The following FRYL variants were observed in gnomAD, a reference collection of about 807,000 sequenced individuals.
The protein encoded by FRYL is FRY like transcription coactivator.
Under a neutral mutation model 351.2 loss-of-function variants are expected in FRYL, and 150 were observed. The ratio of observed to expected loss-of-function variants is 0.43; its 90% confidence interval spans 0.37 to 0.49. The LOEUF (loss-of-function observed/expected upper bound fraction) is 0.49. Ranked by LOEUF, FRYL falls within the 20% of genes least tolerant of loss-of-function variation. FRYL has a pLI of 0.00. For missense variants in FRYL, 3,036 were observed against 3,619.3 expected, an observed-to-expected ratio of 0.84 and a Z score of 4.13; for synonymous variants, 1,153 against 1,257.1, an observed-to-expected ratio of 0.92 and a Z score of 1.75.
rs1718758029 is a variant in FRYL, at chr4:48,497,883, G to C, written c.*1539C>G. 6.6e-6 allele frequency: 1 copy of C among 152,554 alleles called. No individual in the cohort carries two copies. Among genetic ancestry groups the C allele is most frequent in the Non-Finnish European group, 1.5e-5 (1 of 68,030 alleles). 9.5% of individuals were successfully genotyped at this position (152,554 alleles called of 1,614,324 possible). A position where few individuals can be genotyped will look rare whatever the true frequency, so the allele number is the denominator to read the frequency against. ...CACAGTGCCTTCAATTAATGCACTT[G>C]AGCATACGTAATTACATTTCTGGCA... On this transcript the variant is annotated 3_prime_UTR_variant, in exon 64 of 64. Transcript: ENST00000358350.
chr4:48,704,864 G>A (rs1371197682), intron 2 of FRYL, among the ~76,000 whole-genome samples: 25 of 151,366 alleles, frequency 1.7e-4, no homozygotes, highest in Admixed American at 1.3e-3. Context: ...CAGGAGAATC[G>A]CTTGAACCCA....
chr4:48,633,196 G>C (rs1021768870), intron 4 of FRYL, among the ~76,000 whole-genome samples: 1 of 152,064 alleles, frequency 6.6e-6, no homozygotes, highest in Non-Finnish European at 1.5e-5. Context: ...TATTTAAGTT[G>C]GCAGAGAGTC....
chr4:48,661,644 C>T (rs1221207673), intron 3 of FRYL, among the ~76,000 whole-genome samples: 1 of 152,206 alleles, frequency 6.6e-6, no homozygotes, highest in East Asian at 1.9e-4. Flanking sequence ...AAACAAACAA[C>T]ACTCTTTAAA....
intron 2 of FRYL, among the ~76,000 whole-genome samples, chr4:48,708,530 T>C (rs912813169): frequency 2.6e-5 from 4 of 152,262 alleles, no homozygotes; most frequent in East Asian, 1.9e-4. Flanking sequence ...TAAGAACCTG[T>C]CCCAAACACA....
At chr4:48,736,624 C>A (rs548970545) in intron 1 of FRYL, among the ~76,000 whole-genome samples, 1 of 151,666 alleles carries the variant, frequency 6.6e-6, no homozygotes, top group South Asian at 2.1e-4. Context: ...TCCAGGCAGG[C>A]GGATCACCTG....
intron 3 of FRYL, among the ~76,000 whole-genome samples, chr4:48,634,967 G>C (rs1428047037): frequency 1.3e-5 from 2 of 152,166 alleles, no homozygotes; most frequent in African/African-American, 4.8e-5. Flanking sequence ...CACTGAAGAA[G>C]CTACACTTAA....
At chr4:48,773,101 A>C (rs574062208) in intron 1 of FRYL, among the ~76,000 whole-genome samples, 5 of 152,360 alleles carry the variant, frequency 3.3e-5, no homozygotes, top group Non-Finnish European at 7.3e-5. Flanking sequence ...ATCAACAGAG[A>C]CAACTACAAA....
rs1328419942 is a variant in FRYL at position 48,606,588 on chromosome 4, C to A, written c.591G>T (p.Lys197Asn). The change falls in exon 10 of 64, where the codon AAG becomes AAT. Residue 197 changes from lysine to asparagine, a missense_variant. By Grantham distance (94) the Lys-to-Asn change is moderately conservative. Around this residue, in one of 7 missense-constraint regions of FRYL, gnomAD observed 457 missense variants for 566.6 expected, o/e 0.81. Coordinates refer to ENST00000358350, the MANE Select transcript of FRYL (RefSeq NM_015030.2). Reference sequence around the variant, plus strand: ...GTTCTTTTAATTCTGTCACAAACTTCTTCCTTACAGCCTGAAACCTTTAAT... The same window carrying A: ...GTTCTTTTAATTCTGTCACAAACTTATTCCTTACAGCCTGAAACCTTTAAT... ...LAQSKFQAVR[K>N]KFVTELKELR... 6.2e-7 allele frequency: 1 copy of A among 1,610,074 alleles called. No homozygotes were observed. The highest frequency in any genetic ancestry group is 8.5e-7 in the Non-Finnish European group (1 of 1,177,382).
chr4:48,531,465 T>G, intron 49 of FRYL, 112 bp from the exon 50 acceptor site: 1 of 699,698 alleles, frequency 1.4e-6, no homozygotes, highest in Admixed American at 3.0e-5. Context: ...TTGTAAAAAT[T>G]ATTCATTTTG....
intron 3 of FRYL, among the ~76,000 whole-genome samples, chr4:48,635,419 T>C (rs1347045860): frequency 6.6e-6 from 1 of 152,172 alleles, no homozygotes; most frequent in Non-Finnish European, 1.5e-5. Flanking sequence ...TTGAGACTTG[T>C]CATATATTAG....
At chr4:48,722,552 C>A (rs1769601065) in intron 1 of FRYL, among the ~76,000 whole-genome samples, 1 of 152,126 alleles carries the variant, frequency 6.6e-6, no homozygotes. Flanking sequence ...CTGAATAAAT[C>A]CTCACTTGTA....
At chr4:48,625,983 T>C (rs780059472) in intron 4 of FRYL, among the ~76,000 whole-genome samples, 4 of 152,160 alleles carry the variant, frequency 2.6e-5, no homozygotes, top group Non-Finnish European at 5.9e-5. Flanking sequence ...ATTTTCATTT[T>C]CTGAGTTTTC....
At position 48,510,952 on chromosome 4, in the gene FRYL, A is replaced by G; in HGVS notation, c.8178T>C (p.Asn2726=). 6.2e-7 allele frequency: 1 copy of G among 1,612,432 alleles called. No homozygotes were observed. The highest frequency in any genetic ancestry group is 8.5e-7 in the Non-Finnish European group (1 of 1,179,138). ...TIQRKFGEIT[N]EAVSFLGDSL... is the part of the protein sequence containing the mutation. The stretch of plus-strand genomic sequence containing the variant: ...TATCACCAAGAAAGCTGACTGCCTC[A>G]TTAGTTATTTCTCCAAACTTTCTTT... The change falls in exon 58 of 64, where the codon AAT becomes AAC. Residue 2726 remains asparagine (N), a synonymous_variant. Coordinates refer to ENST00000358350, the MANE Select transcript of FRYL (RefSeq NM_015030.2).
chr4:48,776,423 A>G (rs1776037763), intron 1 of FRYL, among the ~76,000 whole-genome samples: 1 of 152,232 alleles, frequency 6.6e-6, no homozygotes, highest in Non-Finnish European at 1.5e-5. Flanking sequence ...CTAAATTTAA[A>G]CTTCTTTACA....
At position 48,549,399 on chromosome 4, in the gene FRYL, G is replaced by C; in HGVS notation, c.4784+74C>G. The C allele has an allele frequency of 7.3e-7, 1 of 1,371,750 alleles. No homozygotes were observed. Among genetic ancestry groups the C allele is most frequent in the African/African-American group, 1.4e-5 (1 of 69,762 alleles). The allele number at this position is 1,371,750 out of a possible 1,614,324, so 85.0% of individuals were successfully genotyped here. On this transcript the variant is annotated intron_variant, in intron 39 of 63. Transcript: ENST00000358350. The surrounding 1 kb of genome is among the most constrained non-coding windows in gnomAD (Gnocchi z 4.2). Reference sequence around the variant, plus strand: ...AGATTGCTTTCATTCTGTGTTGTCAGATAGCACAAAGAAAGCCGACAGTGT... The same window carrying C: ...AGATTGCTTTCATTCTGTGTTGTCACATAGCACAAAGAAAGCCGACAGTGT...
At chr4:48,602,942 T>A (rs1487431348) in intron 12 of FRYL, among the ~76,000 whole-genome samples, 1 of 152,200 alleles carries the variant, frequency 6.6e-6, no homozygotes, top group African/African-American at 2.4e-5. Context: ...ATAGCCTAGG[T>A]GTGTAGTAGG....
At chr4:48,653,772 C>T in intron 3 of FRYL, 1 of 1,291,094 alleles carries the variant, frequency 7.7e-7, no homozygotes, top group Non-Finnish European at 1.0e-6. Context: ...ACACAGAATC[C>T]TGTAGACTCA....
At chr4:48,725,065 C>T (rs1769930642) in intron 1 of FRYL, among the ~76,000 whole-genome samples, 1 of 152,156 alleles carries the variant, frequency 6.6e-6, no homozygotes, top group South Asian at 2.1e-4. Context: ...ATGATTAAAT[C>T]AATATAAAAG....
chr4:48,605,606 G>C, intron 11 of FRYL, 135 bp downstream of exon 11: 1 of 648,344 alleles, frequency 1.5e-6, no homozygotes, highest in Non-Finnish European at 2.8e-6. Context: ...GAGCAACAGG[G>C]AGCAAATGAG....
Sources: allele counts gnomAD v4.1 joint callset (sites outside exome capture counted in the v4.1 genomes callset), GRCh38; gene constraint gnomAD v4.1.1; regional missense constraint gnomAD v4.1.1; non-coding constraint Gnocchi (gnomAD v3.1); transcripts MANE v1.5; gene names NCBI Gene and HGNC (gene_info 2026-07-23, HGNC 2026-07-21).